FMN2: variants seen among roughly 807,000 people sequenced by gnomAD.
The protein encoded by FMN2 is formin-2.
Under a neutral mutation model 142.3 loss-of-function variants are expected in FMN2, and 51 were observed. The ratio of observed to expected loss-of-function variants is 0.36; its 90% CI spans 0.29 to 0.45. FMN2 has a LOEUF of 0.45. Ranked by LOEUF, FMN2 falls within the 20% of genes least tolerant of loss-of-function variation. The pLI is 1.00. For synonymous variants in FMN2, 882 were observed against 869.8 expected (o/e 1.01, Z -0.25); for missense variants, 1,936 against 2,122.8 (o/e 0.91, Z 1.73).
intron 15 of FMN2, among the ~76,000 whole-genome samples, chr1:240,436,012 T>G (rs550716486): frequency 1.6e-3 from 239 of 152,328 alleles, no homozygotes; most frequent in Non-Finnish European, 2.5e-3. Flanking sequence ...ATGACCAGTT[T>G]TCCGAGAAGG....
At chr1:240,197,752 C>G (rs1396509918) in intron 4 of FMN2, among the ~76,000 whole-genome samples, 1 of 145,006 alleles carries the variant, frequency 6.9e-6, no homozygotes, top group Non-Finnish European at 1.5e-5. Flanking sequence ...TTTAAGGAAC[C>G]TGGGTACCTC....
intron 1 of FMN2, among the ~76,000 whole-genome samples, chr1:240,110,690 G>A (rs954457269): frequency 2.0e-5 from 3 of 152,134 alleles, no homozygotes; most frequent in Non-Finnish European, 2.9e-5. Context: ...TGGGAAGAGC[G>A]TGAGGGGATT....
At chr1:240,129,709 C>T (rs779303062) in intron 2 of FMN2, among the ~76,000 whole-genome samples, 1 of 151,672 alleles carries the variant, frequency 6.6e-6, no homozygotes, top group Admixed American at 6.6e-5. Flanking sequence ...GGCCATGTTG[C>T]CCAAGCTGGT....
intron 6 of FMN2, among the ~76,000 whole-genome samples, chr1:240,257,279 G>T (rs934496011): frequency 6.6e-6 from 1 of 152,146 alleles, no homozygotes; most frequent in African/African-American, 2.4e-5. Context: ...TTTAAGACTT[G>T]CTGGAAATCC....
At chr1:240,253,150 A>T (rs1668340059) in intron 6 of FMN2, among the ~76,000 whole-genome samples, 1 of 151,222 alleles carries the variant, frequency 6.6e-6, no homozygotes, top group Admixed American at 6.6e-5. Flanking sequence ...TTACTTTTTT[A>T]AGTAGAGATG....
In FMN2 at chr1:240,274,870, TGA is replaced by T. The variant is rs1669139163; in HGVS notation, c.4153+16841_4153+16842del. Among the ~76,000 whole-genome samples, 3 of 152,242 alleles carry T rather than the reference TGA, an allele frequency of 2.0e-5. No homozygotes were observed. The South Asian group carries it at 6.2e-4, about 32-fold the overall frequency. ...AATGAAAGGTTGTCATTGCATTTAC[TGA>T]GATAGGGAAAACTGCAGAAAGAGCA... On this transcript the variant is annotated intron_variant, in intron 7 of 17. Transcript: ENST00000319653.
At chr1:240,344,031 C>A (rs1426753099) in intron 13 of FMN2, among the ~76,000 whole-genome samples, 1 of 152,124 alleles carries the variant, frequency 6.6e-6, no homozygotes, top group Non-Finnish European at 1.5e-5. Flanking sequence ...CAACAAACTT[C>A]TATACTTTAT....
At chr1:240,200,507 A>G (rs1666084681) in intron 4 of FMN2, among the ~76,000 whole-genome samples, 1 of 152,140 alleles carries the variant, frequency 6.6e-6, no homozygotes, top group South Asian at 2.1e-4. Flanking sequence ...GATTCTTTGA[A>G]GACTCTCAGC....
intron 6 of FMN2, among the ~76,000 whole-genome samples, chr1:240,257,036 C>T (rs776401678): frequency 1.3e-5 from 2 of 152,166 alleles, no homozygotes; most frequent in Admixed American, 6.5e-5. Flanking sequence ...TGACTATAAC[C>T]ACTTTCTTTC....
intron 6 of FMN2, among the ~76,000 whole-genome samples, chr1:240,217,224 A>G (rs1220366985): frequency 6.6e-6 from 1 of 152,174 alleles, no homozygotes; most frequent in Non-Finnish European, 1.5e-5. Context: ...AGTTTTATTT[A>G]TTGCAGATAT....
At chr1:240,290,780 G>GTTTTTTTTT (rs869026471) in intron 7 of FMN2, among the ~76,000 whole-genome samples, 16 of 100,192 alleles carry the variant, frequency 1.6e-4, no homozygotes, top group African/African-American at 2.8e-4. Flanking sequence ...TGTTTGTTTG[G>GTTTTTTTTT]TTTTTTTTTT....
intron 16 of FMN2, among the ~76,000 whole-genome samples, chr1:240,464,989 G>GT: frequency 6.6e-6 from 1 of 152,108 alleles, no homozygotes. Context: ...AGCCTTGTAA[G>GT]TTTTTTTCCT....
intron 14 of FMN2, among the ~76,000 whole-genome samples, chr1:240,367,704 G>C (rs1195063094): frequency 7.5e-5 from 11 of 146,846 alleles, no homozygotes; most frequent in East Asian, 4.1e-4. Context: ...GGAGGCAGAG[G>C]TTGCAGTGAG....
chr1:240,458,908 AC>A (rs1361639451), intron 16 of FMN2: 2 of 152,182 alleles, frequency 1.3e-5, no homozygotes. Flanking sequence ...TTCTTATAGG[AC>A]CAAAGGGCGT....
chr1:240,273,655 A>G (rs960478557), intron 7 of FMN2, among the ~76,000 whole-genome samples: 2 of 151,066 alleles, frequency 1.3e-5, no homozygotes, highest in African/African-American at 2.4e-5. Context: ...CATGAGGGGA[A>G]AGGCAGAGGG....
intron 6 of FMN2, among the ~76,000 whole-genome samples, chr1:240,230,041 C>A (rs758060154): frequency 1.5e-5 from 2 of 131,498 alleles, no homozygotes; most frequent in Non-Finnish European, 3.2e-5. Flanking sequence ...GAGAGGCCGG[C>A]GCAGTGGTTC....
chr1:240,465,384 G>GTGTCTGTC (rs1553268382), intron 16 of FMN2, among the ~76,000 whole-genome samples: 1 of 128,910 alleles, frequency 7.8e-6, no homozygotes, highest in African/African-American at 2.8e-5. Flanking sequence ...GTGTGTGTGT[G>GTGTCTGTC]TGTCTGTCTT....
Position 240,091,889 on chromosome 1 carries a change from G to A in FMN2, c.-221G>A, listed in dbSNP as rs1237233822. Reference sequence around the variant, plus strand: ...GCCCCGCCGGCCCCTAGCCGCAGCCGCAGCCGCAGCGACGGCAGCCACGGG... The same window carrying A: ...GCCCCGCCGGCCCCTAGCCGCAGCCACAGCCGCAGCGACGGCAGCCACGGG... On this transcript the variant is annotated 5_prime_UTR_variant, in exon 1 of 18. Coordinates refer to ENST00000319653, the MANE Select transcript of FMN2 (RefSeq NM_020066.5). 5.6e-6 allele frequency: 4 copies of A among 711,200 alleles called. No individual in the cohort carries two copies. The highest frequency in any genetic ancestry group is 8.3e-6 in the Non-Finnish European group (4 of 484,332). The allele number at this position is 711,200 out of a possible 1,614,324, so 44.1% of individuals were successfully genotyped here. A position where few individuals can be genotyped will look rare whatever the true frequency, so the allele number is the denominator to read the frequency against.
At position 240,092,616 on chromosome 1, in the gene FMN2, G is replaced by A. The variant is rs758956230; in HGVS notation, c.507G>A (p.Ala169=). 1.9e-6 allele frequency: 3 copies of A among 1,614,066 alleles called. No homozygotes were observed. Among genetic ancestry groups the A allele is most frequent in the South Asian group, 2.2e-5 (2 of 91,082 alleles). Residue 169 remains alanine (A), a synonymous_variant, in exon 1 of 18, where the codon GCG becomes GCA. Coordinates refer to ENST00000319653, the MANE Select transcript of FMN2 (RefSeq NM_020066.5). ...IAEDVETAAG[A]QDGQRTSSGS... is the part of the protein sequence containing the mutation. ...AGGATGTGGAAACTGCAGCAGGGGC[G>A]CAGGATGGACAAAGGACCAGCTCGG...
Sources: allele counts gnomAD v4.1 joint callset (sites outside exome capture counted in the v4.1 genomes callset), GRCh38; gene constraint gnomAD v4.1.1; transcripts MANE v1.5; gene names NCBI Gene and HGNC (gene_info 2026-07-23, HGNC 2026-07-21).